The following GATA3 variants were observed in gnomAD, a reference collection of about 807,000 sequenced individuals.
GATA3 encodes the protein GATA binding protein 3.
Under a neutral mutation model 36.0 loss-of-function variants are expected in GATA3, and 6 were observed. The ratio of observed to expected loss-of-function variants is 0.17; its 90% CI spans 0.09 to 0.33. The LOEUF is 0.33. GATA3 is among the 10% of genes least tolerant of loss of function. The pLI, the probability that GATA3 is intolerant of heterozygous loss-of-function variation, is 1.00. For synonymous variants in GATA3, 326 were observed against 273.0 expected (o/e 1.19, Z -1.92); for missense variants, 514 against 610.1 (o/e 0.84, Z 1.66).
At chr10:8,065,467 AG>A (rs1832821581) in intron 4 of GATA3, among the ~76,000 whole-genome samples, 2 of 151,736 alleles carry the variant, frequency 1.3e-5, no homozygotes. Context: ...CTTTTTGGCC[AG>A]GCTGGTCTCA....
intron 2 of GATA3, among the ~76,000 whole-genome samples, chr10:8,057,824 C>G (rs1356934919): frequency 3.3e-5 from 5 of 152,090 alleles, no homozygotes; most frequent in South Asian, 2.1e-4. Flanking sequence ...GTTGTGTGGC[C>G]GGGCTCCATC....
At position 8,058,537 on chromosome 10, in the gene GATA3, G is replaced by A. The variant is rs1016713478; in HGVS notation, c.474G>A (p.Pro158=). 1.1e-5 allele frequency: 17 copies of A among 1,606,292 alleles called. No individual in the cohort carries two copies. The highest frequency in any genetic ancestry group is 2.2e-5 in the East Asian group (1 of 44,574). The change falls in exon 3 of 6, where the codon CCG becomes CCA. Residue 158 remains proline, a synonymous_variant. Transcript: ENST00000379328. ...PHLFTFPPTP[P]KDVSPDPSLS... ...TCTTCACCTTCCCGCCCACCCCGCC[G>A]AAGGACGTCTCCCCGGACCCATCGC...
At chr10:8,057,857 C>A (rs780056066) in intron 2 of GATA3, among the ~76,000 whole-genome samples, 1 of 152,148 alleles carries the variant, frequency 6.6e-6, no homozygotes, top group Non-Finnish European at 1.5e-5. Context: ...TCACTCACAG[C>A]CGGCTCTCTT....
intron 3 of GATA3, among the ~76,000 whole-genome samples, chr10:8,059,352 C>G (rs1484112092): frequency 6.6e-6 from 1 of 152,190 alleles, no homozygotes; most frequent in East Asian, 1.9e-4. Context: ...GACGTGTAGA[C>G]ACAAAGTGTG....
At chr10:8,072,779 G>T (rs1832950682) in intron 5 of GATA3, among the ~76,000 whole-genome samples, 1 of 152,166 alleles carries the variant, frequency 6.6e-6, no homozygotes, top group African/African-American at 2.4e-5. Flanking sequence ...TGTCTGGTTA[G>T]AAGTGGAGAG....
rs1832592777 is a variant in GATA3, at chr10:8,054,798, GA to G, written c.-462del. 4 of 151,086 alleles carry G rather than the reference GA, an allele frequency of 2.6e-5. No homozygotes were observed. Among genetic ancestry groups the G allele is most frequent in the Non-Finnish European group, 5.9e-5 (4 of 67,846 alleles). The allele number at this position is 151,086 out of a possible 1,614,324, so 9.4% of individuals were successfully genotyped here. A position where few individuals can be genotyped will look rare whatever the true frequency, so the allele number is the denominator to read the frequency against. On this transcript the variant is annotated 5_prime_UTR_variant, in exon 1 of 6. Coordinates refer to ENST00000379328, the MANE Select transcript of GATA3 (RefSeq NM_001002295.2). The surrounding 1 kb of genome is among the most constrained non-coding windows in gnomAD (Gnocchi z 4.2). Reference sequence around the variant, plus strand: ...AGAGAGAGAGAGAAGAAGAGAGAGAGACGGAGGGAGAGCGAGACAGAGCGAG... The same window carrying G: ...AGAGAGAGAGAGAAGAAGAGAGAGAGCGGAGGGAGAGCGAGACAGAGCGAG...
At chr10:8,048,865 A>G (rs556037319), upstream of GATA3, among the ~76,000 whole-genome samples, 16 of 151,276 alleles carry the variant, frequency 1.1e-4, no homozygotes, top group Admixed American at 9.2e-4. Flanking sequence ...TCTCGCTACA[A>G]TCAGGGGTTT....
In GATA3 at chr10:8,073,909, C is replaced by G. The variant is rs2131521925; in HGVS notation, c.1221C>G (p.Ile407Met). The G allele has an allele frequency of 6.2e-7, 1 of 1,614,130 alleles. No individual in the cohort carries two copies. Among genetic ancestry groups the G allele is most frequent in the South Asian group, 1.1e-5 (1 of 91,076 alleles). Residue 407 changes from isoleucine to methionine, a missense_variant, in exon 6 of 6, where the codon ATC becomes ATG. Ile to Met is a conservative substitution (Grantham distance 10). Transcript: ENST00000379328. ...GACACATGTCCTCCCTGAGCCACATCTCGCCCTTCAGCCACTCCAGCCACA... is the reference window on the plus strand; with the variant it reads ...GACACATGTCCTCCCTGAGCCACATGTCGCCCTTCAGCCACTCCAGCCACA... ...LSRHMSSLSH[I>M]SPFSHSSHML...
upstream of GATA3, among the ~76,000 whole-genome samples, chr10:8,049,934 G>T (rs1832442082): frequency 6.6e-6 from 1 of 152,194 alleles, no homozygotes. Context: ...TTGAACAGGC[G>T]CTGGGGACCT....
Position 8,074,043 on chromosome 10 carries a change from AG to A in GATA3, c.*23del. The A allele has an allele frequency of 6.2e-7, 1 of 1,613,224 alleles. No homozygotes were observed. ...GGTTAGAGCCCTGCTCGATGCTCACAGGGCCCCCAGCGAGAGTCCCTGCAGT... is the reference window on the plus strand; with the variant it reads ...GGTTAGAGCCCTGCTCGATGCTCACAGGCCCCCAGCGAGAGTCCCTGCAGT... On this transcript the variant is annotated 3_prime_UTR_variant, in exon 6 of 6. Transcript: ENST00000379328.
intron 3 of GATA3, among the ~76,000 whole-genome samples, chr10:8,060,626 G>T (rs1832732141): frequency 6.6e-6 from 1 of 152,056 alleles, no homozygotes; most frequent in Non-Finnish European, 1.5e-5. Context: ...TGTGCGGGGG[G>T]AGGGGACAGA....
intron 4 of GATA3, among the ~76,000 whole-genome samples, chr10:8,068,360 A>C (rs1832879272): frequency 6.6e-6 from 1 of 152,214 alleles, no homozygotes; most frequent in East Asian, 1.9e-4. Flanking sequence ...GAGTGGCAAC[A>C]TTCCTTGGTC....
rs35508267 is a variant in GATA3 at position 8,058,636 on chromosome 10, C to T, written c.573C>T (p.Pro191=). The change falls in exon 3 of 6, where the codon CCC becomes CCT. Residue 191 remains proline, a synonymous_variant. Coordinates refer to ENST00000379328, the MANE Select transcript of GATA3 (RefSeq NM_001002295.2). Reference sequence around the variant, plus strand: ...GCCTCAAGTACCAGGTGCCCCTGCCCGACAGCATGAAGCTGGAGTCGTCCC... The same window carrying T: ...GCCTCAAGTACCAGGTGCCCCTGCCTGACAGCATGAAGCTGGAGTCGTCCC... ...KECLKYQVPL[P]DSMKLESSHS... The T allele has an allele frequency of 5.8e-3, 9,342 of 1,612,860 alleles. 115 individuals are homozygous for T. Among genetic ancestry groups the T allele is most frequent in the Middle Eastern group, 0.037 (224 of 6,062 alleles).
intron 5 of GATA3, among the ~76,000 whole-genome samples, chr10:8,073,139 C>T (rs1242720887): frequency 1.3e-5 from 1 of 79,628 alleles, no homozygotes. Flanking sequence ...CGGGAGACTT[C>T]GTCTCAAAAA....
In GATA3 at chr10:8,074,798, A is replaced by T. The variant is rs1183378148; in HGVS notation, c.*775A>T. 1 of 233,662 alleles carries T rather than the reference A, an allele frequency of 4.3e-6. No individual in the cohort carries two copies. Among genetic ancestry groups the T allele is most frequent in the Non-Finnish European group, 8.5e-6 (1 of 118,082 alleles). 14.5% of individuals were successfully genotyped at this position (233,662 alleles called of 1,614,324 possible). A position where few individuals can be genotyped will look rare whatever the true frequency, so the allele number is the denominator to read the frequency against. On this transcript the variant is annotated 3_prime_UTR_variant, in exon 6 of 6. Coordinates refer to ENST00000379328, the MANE Select transcript of GATA3 (RefSeq NM_001002295.2). Reference sequence around the variant, plus strand: ...CTGTTGTATAAATTTATTTACTGCTAGTCTTAAGAACTGCTTTCTTTCGTT... The same window carrying T: ...CTGTTGTATAAATTTATTTACTGCTTGTCTTAAGAACTGCTTTCTTTCGTT...
At position 8,069,546 on chromosome 10, in the gene GATA3, C is replaced by G. The variant is rs1211413464; in HGVS notation, c.998C>G (p.Ala333Gly). 6.2e-7 allele frequency: 1 copy of G among 1,613,920 alleles called. No homozygotes were observed. Among genetic ancestry groups the G allele is most frequent in the African/African-American group, 1.3e-5 (1 of 74,888 alleles). ...ACAACCACACTCTGGAGGAGGAATGCCAATGGGGACCCTGTCTGCAATGCC... is the reference window on the plus strand; with the variant it reads ...ACAACCACACTCTGGAGGAGGAATGGCAATGGGGACCCTGTCTGCAATGCC... ...TTTTTLWRRN[A>G]NGDPVCNACG... Residue 333 changes from alanine (A) to glycine (G), a missense_variant, in exon 5 of 6, where the codon GCC becomes GGC. By Grantham distance (60) the Ala-to-Gly change is moderately conservative (BLOSUM62 0). Around this residue, in one of 3 missense-constraint regions of GATA3, gnomAD observed 44 missense variants for 151.5 expected, o/e 0.29. Coordinates refer to ENST00000379328, the MANE Select transcript of GATA3 (RefSeq NM_001002295.2).
chr10:8,049,987 G>T (rs371610029), upstream of GATA3, among the ~76,000 whole-genome samples: 42 of 152,292 alleles, frequency 2.8e-4, no homozygotes, highest in East Asian at 8.0e-3. Context: ...AAGGCGCGGC[G>T]GTCCCGCGGG....
intron 3 of GATA3, among the ~76,000 whole-genome samples, chr10:8,063,621 G>C (rs1223250488): frequency 1.3e-5 from 2 of 152,112 alleles, no homozygotes; most frequent in Admixed American, 1.3e-4. Flanking sequence ...TGGAATGTTT[G>C]CCTTTTGCCA....
chr10:8,057,511 G>GGC (rs1456269561), intron 2 of GATA3, among the ~76,000 whole-genome samples: 1 of 152,134 alleles, frequency 6.6e-6, no homozygotes, highest in Admixed American at 6.5e-5. Context: ...TTTATTGAGG[G>GGC]TGCATGGGGC....
Sources: gnomAD v4.1 joint callset for allele counts (sites outside exome capture counted in the v4.1 genomes callset) on GRCh38, gnomAD v4.1.1 for gene constraint, gnomAD v4.1.1 regional missense constraint, Gnocchi (gnomAD v3.1) non-coding constraint, MANE v1.5 for transcripts, NCBI Gene and HGNC (gene_info 2026-07-23, HGNC 2026-07-21) for gene names.